The following PLEKHG1 variants were observed in gnomAD, a reference collection of about 807,000 sequenced individuals.
PLEKHG1 encodes the protein pleckstrin homology domain-containing family G member 1.
PLEKHG1 carries 44 observed loss-of-function variants against 100.8 expected under a neutral mutation model. The observed-to-expected ratio is 0.44, with a 90% confidence interval of 0.34 to 0.56. The LOEUF (loss-of-function observed/expected upper bound fraction) is 0.56. Ranked by LOEUF, PLEKHG1 falls within the 20% of genes least tolerant of loss-of-function variation. PLEKHG1 has a pLI of 0.01. For synonymous variants in PLEKHG1, 640 were observed against 662.5 expected, an observed-to-expected ratio of 0.97 and a Z score of 0.52; for missense variants, 1,545 against 1,720.9, an observed-to-expected ratio of 0.90 and a Z score of 1.81.
At chr6:150,717,395 C>T (rs762616241), upstream of PLEKHG1, among the ~76,000 whole-genome samples, 1 of 151,782 alleles carries the variant, frequency 6.6e-6, no homozygotes, top group African/African-American at 2.4e-5. Flanking sequence ...ACTCTGGTCT[C>T]GAACTTCTGG....
At chr6:150,818,136 A>G in intron 10 of PLEKHG1, 47 bp from the exon 12 acceptor site, 1 of 1,487,846 alleles carries the variant, frequency 6.7e-7, no homozygotes, top group Non-Finnish European at 9.3e-7. Flanking sequence ...TGGAGTTTAA[A>G]GAAAAAAAAA....
At chr6:150,699,583 C>T (rs79144241) in intron 3 of PLEKHG1, among the ~76,000 whole-genome samples, 2,190 of 152,290 alleles carry the variant, frequency 0.014, 40 homozygotes, top group East Asian at 0.043. Context: ...ATATTAGGAA[C>T]AGTGACATTG....
At chr6:150,793,646 G>C (rs1461498399) in intron 4 of PLEKHG1, among the ~76,000 whole-genome samples, 2 of 152,154 alleles carry the variant, frequency 1.3e-5, no homozygotes, top group Non-Finnish European at 2.9e-5. Context: ...ATGTCCATTG[G>C]ACTTCCCAAT....
At chr6:150,626,980 T>C (rs903762953) in intron 1 of PLEKHG1, among the ~76,000 whole-genome samples, 1 of 152,196 alleles carries the variant, frequency 6.6e-6, no homozygotes, top group African/African-American at 2.4e-5. Flanking sequence ...TTATAGTGCA[T>C]GGGACATGCT....
intron 1 of PLEKHG1, among the ~76,000 whole-genome samples, chr6:150,619,705 T>C (rs57385185): frequency 0.02 from 3,113 of 152,326 alleles, 93 homozygotes; most frequent in African/African-American, 0.07. Flanking sequence ...AAATAAAATG[T>C]GTGCTTCTGG....
chr6:150,796,887 T>C (rs940182969), intron 5 of PLEKHG1, among the ~76,000 whole-genome samples: 1 of 152,208 alleles, frequency 6.6e-6, no homozygotes, highest in African/African-American at 2.4e-5. Context: ...TATGAGTATG[T>C]CCTTTGAAAA....
At chr6:150,601,095 G>A (rs1776340870) in intron 1 of PLEKHG1, among the ~76,000 whole-genome samples, 1 of 152,156 alleles carries the variant, frequency 6.6e-6, no homozygotes, top group African/African-American at 2.4e-5. Context: ...TTAGACCGGG[G>A]GAAAGACTAG....
intron 3 of PLEKHG1, among the ~76,000 whole-genome samples, chr6:150,681,295 G>A (rs1779923881): frequency 6.6e-6 from 1 of 151,562 alleles, no homozygotes; most frequent in Non-Finnish European, 1.5e-5. Flanking sequence ...GCTGAGGCGG[G>A]TAGATCAAGA....
chr6:150,787,923 AAAAG>A (rs2128653719), intron 4 of PLEKHG1, among the ~76,000 whole-genome samples: 1 of 152,366 alleles, frequency 6.6e-6, no homozygotes, highest in East Asian at 1.9e-4. Context: ...GGATTTGAAA[AAAAG>A]AAGAAAAATG....
chr6:150,638,719 T>A (rs191888375), intron 2 of PLEKHG1, among the ~76,000 whole-genome samples: 15 of 152,288 alleles, frequency 9.8e-5, no homozygotes, highest in Non-Finnish European at 1.9e-4. Flanking sequence ...AAAACTTAAT[T>A]AAACTGAAAC....
At chr6:150,634,996 T>C (rs1777931970) in intron 1 of PLEKHG1, among the ~76,000 whole-genome samples, 1 of 152,184 alleles carries the variant, frequency 6.6e-6, no homozygotes, top group African/African-American at 2.4e-5. Context: ...AAGGGACTCT[T>C]TTTCTGGAAA....
At chr6:150,710,673 C>T (rs532502312) in intron 3 of PLEKHG1, among the ~76,000 whole-genome samples, 1 of 152,114 alleles carries the variant, frequency 6.6e-6, no homozygotes, top group East Asian at 1.9e-4. Flanking sequence ...AATATATTTG[C>T]AAACAAGATT....
chr6:150,781,625 G>A (rs1562513729), intron 3 of PLEKHG1, among the ~76,000 whole-genome samples: 1 of 151,938 alleles, frequency 6.6e-6, no homozygotes, highest in Non-Finnish European at 1.5e-5. Flanking sequence ...CGGGAAAAGA[G>A]TTAATTTAAT....
Position 150,733,570 on chromosome 6 carries a change from T to G in PLEKHG1, c.-98-14T>G, listed in dbSNP as rs1340614250. The G allele has an allele frequency of 6.3e-7, 1 of 1,587,594 alleles. No individual in the cohort carries two copies. The highest frequency in any genetic ancestry group is 8.6e-7 in the Non-Finnish European group (1 of 1,167,466). On this transcript the variant is annotated splice_polypyrimidine_tract_variant and intron_variant, in intron 1 of 15. Transcript: ENST00000358517. The stretch of plus-strand genomic sequence containing the variant: ...TGCTTATCTTGTCCTTTTTATTTTC[T>G]TTAATGCATATAGATGGGCACCAGT...
In PLEKHG1 at chr6:150,821,252, T is replaced by C. The variant is rs1416944518; in HGVS notation, c.1447+19T>C. On this transcript the variant is annotated intron_variant, in intron 13 of 15. Coordinates refer to ENST00000358517, the Ensembl canonical transcript of PLEKHG1. ...ACCAGTGGTAAGTCGTAAAATATAT[T>C]TTCCTGTTTCATTCTTGTTGATATT... is the stretch of plus-strand genomic sequence containing the variant. The C allele has an allele frequency of 6.4e-7, 1 of 1,564,298 alleles. No individual in the cohort carries two copies. The highest frequency in any genetic ancestry group is 1.4e-5 in the African/African-American group (1 of 74,012).
upstream of PLEKHG1, among the ~76,000 whole-genome samples, chr6:150,718,627 G>A (rs1004389395): frequency 2.6e-5 from 4 of 152,054 alleles, no homozygotes; most frequent in African/African-American, 7.2e-5. Context: ...GCACCACCAC[G>A]TCTGGCTAAT....
chr6:150,633,224 G>T (rs768444387), intron 1 of PLEKHG1: 1 of 152,346 alleles, frequency 6.6e-6, no homozygotes, highest in Non-Finnish European at 1.5e-5. Context: ...GTGTCATCTG[G>T]AAGTGCCGGC....
intron 3 of PLEKHG1, among the ~76,000 whole-genome samples, chr6:150,702,557 G>GGTATGTGTGT (rs1554261634): frequency 1.4e-5 from 2 of 142,830 alleles, no homozygotes; most frequent in Non-Finnish European, 3.0e-5. Flanking sequence ...TTTGTTTTGG[G>GGTATGTGTGT]GTGTGTGTGT....
In PLEKHG1 at chr6:150,787,402, A is replaced by T. The variant is rs192249761; in HGVS notation, c.582+943A>T. Among the ~76,000 whole-genome samples the T allele has an allele frequency of 4.6e-5, 7 of 152,334 alleles. No individual in the cohort carries two copies. The East Asian group carries it at 1.3e-3, about 29-fold the overall frequency. ...TTTCCTACAATGTGGCCTTTCCTAC[A>T]TTGCTTTCTCAGCATGCTGCCTAGT... On this transcript the variant is annotated intron_variant, in intron 4 of 15. Transcript: ENST00000358517.
Sources: gnomAD v4.1 joint callset for allele counts (sites outside exome capture counted in the v4.1 genomes callset) on GRCh38, gnomAD v4.1.1 for gene constraint, MANE v1.5 for transcripts, NCBI Gene and HGNC (gene_info 2026-07-23, HGNC 2026-07-21) for gene names.